GSE1: variants seen among roughly 807,000 people sequenced by gnomAD.
GSE1 encodes Gse1 coiled-coil protein, also known as genetic suppressor element 1.
A neutral mutation model predicts 112.6 loss-of-function variants in GSE1; 32 were observed. The ratio of observed to expected loss-of-function variants is 0.28; its 90% CI spans 0.21 to 0.38. The LOEUF is 0.38. Ranked by LOEUF, GSE1 falls within the 10% of genes least tolerant of loss-of-function variation. The pLI, the probability that GSE1 is intolerant of heterozygous loss-of-function variation, is 1.00. For missense variants in GSE1, 2,348 were observed against 1,699.2 expected (o/e 1.38, Z -6.71); for synonymous variants, 1,115 against 735.6 (o/e 1.52, Z -8.35).
At chr16:85,281,904 T>G (rs1341583607) in intron 1 of GSE1, among the ~76,000 whole-genome samples, 2 of 152,202 alleles carry the variant, frequency 1.3e-5, no homozygotes, top group African/African-American at 4.8e-5. Context: ...CAGCATTATT[T>G]TGCCAGAAAC....
At chr16:85,562,130 G>C (rs2045548808) in intron 1 of GSE1, among the ~76,000 whole-genome samples, 1 of 152,236 alleles carries the variant, frequency 6.6e-6, no homozygotes. Context: ...GGAAAACATG[G>C]CTATTTTAGT....
At chr16:85,456,579 C>CGCGT (rs2049831561) in intron 2 of GSE1, among the ~76,000 whole-genome samples, 1 of 91,476 alleles carries the variant, frequency 1.1e-5, no homozygotes, top group Admixed American at 1.1e-4. Flanking sequence ...ATTTTCCTGC[C>CGCGT]GTGTGTGTGT....
intron 1 of GSE1, among the ~76,000 whole-genome samples, chr16:85,174,787 G>C (rs1369994152): frequency 2.0e-5 from 3 of 152,264 alleles, no homozygotes; most frequent in Admixed American, 6.5e-5. Context: ...CTGGGAATGA[G>C]AGCTGGGGCT....
intron 1 of GSE1, among the ~76,000 whole-genome samples, chr16:85,229,149 C>G (rs977769227): frequency 6.6e-6 from 1 of 152,224 alleles, no homozygotes; most frequent in Non-Finnish European, 1.5e-5. Flanking sequence ...GTCTCCCTAC[C>G]TAAGAGGACG....
chr16:85,653,603 G>C (rs2051631651), intron 3 of GSE1, among the ~76,000 whole-genome samples: 1 of 151,882 alleles, frequency 6.6e-6, no homozygotes, highest in Non-Finnish European at 1.5e-5. Context: ...GCGAGCTGTT[G>C]CCTTCCCTGC....
At chr16:85,371,890 G>T (rs1395680612) in intron 2 of GSE1, among the ~76,000 whole-genome samples, 1 of 152,214 alleles carries the variant, frequency 6.6e-6, no homozygotes, top group Non-Finnish European at 1.5e-5. Context: ...ACTGCTTCTG[G>T]AAGTGGGAGG....
chr16:85,227,609 C>A (rs1020241208), intron 1 of GSE1, among the ~76,000 whole-genome samples: 1 of 152,110 alleles, frequency 6.6e-6, no homozygotes, highest in East Asian at 1.9e-4. Context: ...GAGGTTCTTG[C>A]AGGTTGGGGC....
At chr16:85,613,298 C>G, upstream of GSE1, 2 of 1,540,686 alleles carry the variant, frequency 1.3e-6, no homozygotes, top group South Asian at 1.2e-5. Context: ...CTGCCGCCGC[C>G]GAGCAGCCCC....
At chr16:85,593,366 C>A in intron 1 of GSE1, 1 of 152,404 alleles carries the variant, frequency 6.6e-6, no homozygotes, top group East Asian at 1.9e-4. Context: ...GAGTGCCTCC[C>A]CTCCAGGGCC....
At chr16:85,400,185 G>A (rs1456378632) in intron 2 of GSE1, among the ~76,000 whole-genome samples, 1 of 152,194 alleles carries the variant, frequency 6.6e-6, no homozygotes, top group Non-Finnish European at 1.5e-5. Context: ...ACGCCCCACA[G>A]GCCCTCCCCT....
intron 1 of GSE1, among the ~76,000 whole-genome samples, chr16:85,633,025 C>CGCCGCT (rs1555552306): frequency 6.6e-6 from 1 of 152,184 alleles, no homozygotes; most frequent in Non-Finnish European, 1.5e-5. Flanking sequence ...CCGCCGCCGC[C>CGCCGCT]GCCGCTGTCA....
chr16:85,557,156 G>C (rs749972229), intron 1 of GSE1, among the ~76,000 whole-genome samples: 2 of 152,154 alleles, frequency 1.3e-5, no homozygotes, highest in African/African-American at 2.4e-5. Flanking sequence ...CAGGAATTCA[G>C]GCGAGGGAGC....
chr16:85,296,940 C>A (rs149803166), intron 1 of GSE1, among the ~76,000 whole-genome samples: 1 of 152,212 alleles, frequency 6.6e-6, no homozygotes, highest in African/African-American at 2.4e-5. Context: ...GCTGCTCCCC[C>A]GGCGCTTCCC....
chr16:85,192,833 A>ATC (rs889337492), intron 1 of GSE1, among the ~76,000 whole-genome samples: 4 of 152,138 alleles, frequency 2.6e-5, no homozygotes, highest in African/African-American at 9.6e-5. Flanking sequence ...TCGAGGCAGC[A>ATC]TCTGGGCCTC....
chr16:85,352,010 A>G (rs1332495046), intron 1 of GSE1, among the ~76,000 whole-genome samples: 1 of 152,074 alleles, frequency 6.6e-6, no homozygotes, highest in East Asian at 1.9e-4. Flanking sequence ...CAAACAAAAA[A>G]AAAACCCAAA....
In GSE1 at chr16:85,574,967, G is replaced by A. The variant is rs2046161527; in HGVS notation, c.37+18604G>A. ...CTTGTCTTCGCACCCTCCCGACAAG[G>A]CCGGGCAGCCCCCTTGCCCTGCCAG... is the stretch of plus-strand genomic sequence containing the variant. On this transcript the variant is annotated intron_variant, in intron 1 of 2. Coordinates refer to the GSE1 transcript ENST00000635906. Among the ~76,000 whole-genome samples, 3 of 152,314 alleles carry A rather than the reference G, an allele frequency of 2.0e-5. No homozygotes were observed. In the East Asian group the frequency reaches 5.8e-4, roughly 29 times the overall value.
chr16:85,528,813 A>G (rs898509573), intron 2 of GSE1, among the ~76,000 whole-genome samples: 2 of 152,170 alleles, frequency 1.3e-5, no homozygotes, highest in Non-Finnish European at 2.9e-5. Flanking sequence ...GATTATTGAT[A>G]AAGCCCTTTC....
intron 2 of GSE1, among the ~76,000 whole-genome samples, chr16:85,360,772 G>A (rs900750): frequency 0.57 from 86,731 of 151,642 alleles, 25,792 homozygotes; most frequent in African/African-American, 0.74. Context: ...GGGTGCACGC[G>A]TAAGTCAGAC....
chr16:85,558,953 G>T (rs1183222228), intron 1 of GSE1, among the ~76,000 whole-genome samples: 1 of 152,120 alleles, frequency 6.6e-6, no homozygotes, highest in Non-Finnish European at 1.5e-5. Flanking sequence ...CACCTTCCAG[G>T]TTCAAGAGGT....
Sources: allele counts gnomAD v4.1 joint callset (sites outside exome capture counted in the v4.1 genomes callset), GRCh38; gene constraint gnomAD v4.1.1; transcripts MANE v1.5; gene names NCBI Gene and HGNC (gene_info 2026-07-23, HGNC 2026-07-21).